Variants in TFAP2D observed in about 807,000 individuals in gnomAD.
TFAP2D encodes the protein transcription factor AP-2 delta.
Under a neutral mutation model 43.6 loss-of-function variants are expected in TFAP2D, and 9 were observed. The ratio of observed to expected loss-of-function variants is 0.21; its 90% confidence interval spans 0.12 to 0.36. The LOEUF is 0.36. Ranked by LOEUF, TFAP2D falls within the 10% of genes least tolerant of loss-of-function variation. TFAP2D has a pLI of 1.00. For synonymous variants in TFAP2D, 256 were observed against 224.9 expected, an observed-to-expected ratio of 1.14 and a Z score of -1.24; for missense variants, 513 against 561.4, an observed-to-expected ratio of 0.91 and a Z score of 0.87.
chr6:50,715,410 G>A lies in TFAP2D; in HGVS notation c.334G>A (p.Asp112Asn), dbSNP rs557507069. 6.2e-7 allele frequency: 1 copy of A among 1,614,066 alleles called. No homozygotes were observed. The highest frequency in any genetic ancestry group is 1.7e-5 in the Admixed American group (1 of 60,008). Residue 112 changes from aspartate to asparagine, a missense_variant, in exon 2 of 8, where the codon GAC becomes AAC. Physicochemically the swap from Asp to Asn is conservative, Grantham distance 23. Coordinates refer to ENST00000008391, the MANE Select transcript of TFAP2D (RefSeq NM_172238.4). ...GCAGATCCACCACGGGGAGCCCACC[G>A]ACTTTATTAACCTGCACAATGCGCG... ...YQQIHHGEPT[D>N]FINLHNARAL...
At chr6:50,721,437 A>G (rs1191371434) in intron 3 of TFAP2D, among the ~76,000 whole-genome samples, 1 of 152,192 alleles carries the variant, frequency 6.6e-6, no homozygotes, top group Non-Finnish European at 1.5e-5. Flanking sequence ...TTCTGAAACA[A>G]TCAATGTTCA....
In TFAP2D at chr6:50,715,333, C is replaced by A. The variant is rs923542804; in HGVS notation, c.257C>A (p.Thr86Asn). The change falls in exon 2 of 8, where the codon ACC becomes AAC. Residue 86 changes from threonine to asparagine, a missense_variant. By Grantham distance (65) the Thr-to-Asn change is moderately conservative (BLOSUM62 0). Transcript: ENST00000008391. ...TTTCAGCACAGCCACCCGGCCGTCACCCCCGACGCCTACTCTCTGAACTCT... is the reference window on the plus strand; with the variant it reads ...TTTCAGCACAGCCACCCGGCCGTCAACCCCGACGCCTACTCTCTGAACTCT... ...YEFQHSHPAVTPDAYSLNSLH... is the reference protein window; with the variant it reads ...YEFQHSHPAVNPDAYSLNSLH... The A allele has an allele frequency of 1.2e-6, 2 of 1,613,994 alleles. No homozygotes were observed. The highest frequency in any genetic ancestry group is 2.7e-5 in the African/African-American group (2 of 74,914).
intron 6 of TFAP2D, among the ~76,000 whole-genome samples, chr6:50,747,033 G>A (rs1431227119): frequency 6.6e-6 from 1 of 152,088 alleles, no homozygotes; most frequent in Non-Finnish European, 1.5e-5. Flanking sequence ...ATAAAAGTTG[G>A]ACTTAAAATC....
At chr6:50,753,653 A>T (rs535836419) in intron 7 of TFAP2D, among the ~76,000 whole-genome samples, 2 of 152,078 alleles carry the variant, frequency 1.3e-5, no homozygotes, top group East Asian at 3.9e-4. Flanking sequence ...ACAAGATTAT[A>T]TATGGCTTCA....
intron 5 of TFAP2D, among the ~76,000 whole-genome samples, chr6:50,743,355 A>ATTTTGTTTTGTTTTG (rs70974545): frequency 6.7e-5 from 10 of 149,352 alleles, no homozygotes; most frequent in African/African-American, 2.2e-4. Flanking sequence ...AAAATAGTAT[A>ATTTTGTTTTGTTTTG]TTTTGTTTTG....
At chr6:50,771,103 A>T (rs1228780154) in intron 7 of TFAP2D, among the ~76,000 whole-genome samples, 1 of 152,240 alleles carries the variant, frequency 6.6e-6, no homozygotes, top group Non-Finnish European at 1.5e-5. Context: ...AGAACTACCT[A>T]TGCTGAGGTT....
At chr6:50,751,519 C>T (rs2294470) in intron 7 of TFAP2D, among the ~76,000 whole-genome samples, 195 bp downstream of exon 7, 37,272 of 151,760 alleles carry the variant, frequency 0.25, 5,291 homozygotes, top group East Asian at 0.43. Context: ...GTTTGGAGGC[C>T]TGGGAAGTCT....
intron 7 of TFAP2D, among the ~76,000 whole-genome samples, chr6:50,752,453 A>G (rs1303713138): frequency 2.6e-5 from 4 of 151,936 alleles, no homozygotes. Flanking sequence ...AACAATGATA[A>G]GGAAAGACTA....
At chr6:50,746,797 T>A (rs543126383) in intron 6 of TFAP2D, among the ~76,000 whole-genome samples, 70 of 152,164 alleles carry the variant, frequency 4.6e-4, no homozygotes, top group Non-Finnish European at 7.4e-4. Flanking sequence ...AGTCCCTTAA[T>A]TGAAGTTTAC....
chr6:50,719,501 G>GAAAA (rs3835214), intron 3 of TFAP2D, among the ~76,000 whole-genome samples: 1 of 133,460 alleles, frequency 7.5e-6, no homozygotes, highest in South Asian at 2.4e-4. Context: ...AAGAAAGAAA[G>GAAAA]AAGTTTCTCA....
At chr6:50,761,642 C>A (rs1241333326) in intron 7 of TFAP2D, among the ~76,000 whole-genome samples, 2 of 151,986 alleles carry the variant, frequency 1.3e-5, no homozygotes, top group Non-Finnish European at 2.9e-5. Flanking sequence ...TAGAAAATTG[C>A]TTTACTGGTC....
rs1769558582 is a variant in TFAP2D, at chr6:50,773,019, A to C, written c.*155A>C. 4.2e-6 allele frequency: 3 copies of C among 721,908 alleles called. No homozygotes were observed. 44.7% of individuals were successfully genotyped at this position (721,908 alleles called of 1,614,324 possible). Reference sequence around the variant, plus strand: ...AAAATGGAAATGAAAAATGAAACAAAAAAGGACAAAACCAAAAAAAAAAGA... The same window carrying C: ...AAAATGGAAATGAAAAATGAAACAACAAAGGACAAAACCAAAAAAAAAAGA... On this transcript the variant is annotated 3_prime_UTR_variant, in exon 8 of 8. Coordinates refer to ENST00000008391, the MANE Select transcript of TFAP2D (RefSeq NM_172238.4).
At chr6:50,733,740 C>T (rs1303198017) in intron 5 of TFAP2D, among the ~76,000 whole-genome samples, 1 of 152,002 alleles carries the variant, frequency 6.6e-6, no homozygotes, top group Non-Finnish European at 1.5e-5. Flanking sequence ...ATATCACTCC[C>T]TTCTTATCTA....
At position 50,748,874 on chromosome 6, in the gene TFAP2D, C is replaced by T. The variant is rs191786100; in HGVS notation, c.1026-2337C>T. Among the ~76,000 whole-genome samples, 313 of 151,936 alleles carry T rather than the reference C, an allele frequency of 2.1e-3. 1 individual carries two copies. Among genetic ancestry groups the T allele is most frequent in the Non-Finnish European group, 3.2e-3 (219 of 67,796 alleles). The stretch of plus-strand genomic sequence containing the variant: ...ATTTCAGACATCAGCTAAAAACTTA[C>T]GTCCTTAAGGACAATGATGTAAGTG... On this transcript the variant is annotated intron_variant, in intron 6 of 7. Coordinates refer to ENST00000008391, the MANE Select transcript of TFAP2D (RefSeq NM_172238.4).
At chr6:50,743,355 A>ATTTTGTTTTGTTTTGTTTTG (rs70974545) in intron 5 of TFAP2D, among the ~76,000 whole-genome samples, 1 of 149,352 alleles carries the variant, frequency 6.7e-6, no homozygotes. Context: ...AAAATAGTAT[A>ATTTTGTTTTGTTTTGTTTTG]TTTTGTTTTG....
rs1769156460 is a variant in TFAP2D at position 50,748,526 on chromosome 6, T to C, written c.1026-2685T>C. The stretch of plus-strand genomic sequence containing the variant: ...TTGTCTTTAAGTATATTGCCAAGTA[T>C]ACAATTGTATAAAGGGCCTATTAAT... On this transcript the variant is annotated intron_variant, in intron 6 of 7. Coordinates refer to ENST00000008391, the MANE Select transcript of TFAP2D (RefSeq NM_172238.4). Among the ~76,000 whole-genome samples, 3 of 152,030 alleles carry C rather than the reference T, an allele frequency of 2.0e-5. 1 individual carries two copies. Among genetic ancestry groups the C allele is most frequent in the African/African-American group, 7.2e-5 (3 of 41,550 alleles).
At chr6:50,747,412 A>G (rs1352707972) in intron 6 of TFAP2D, among the ~76,000 whole-genome samples, 1 of 152,134 alleles carries the variant, frequency 6.6e-6, no homozygotes, top group Non-Finnish European at 1.5e-5. Flanking sequence ...GCACATATCC[A>G]TGTGAATTTT....
intron 3 of TFAP2D, among the ~76,000 whole-genome samples, chr6:50,721,135 A>G (rs1376557480): frequency 1.3e-5 from 2 of 152,186 alleles, no homozygotes; most frequent in African/African-American, 4.8e-5. Flanking sequence ...TATCTTCCTT[A>G]GGTGATGCTT....
At chr6:50,751,977 G>A (rs904902286) in intron 7 of TFAP2D, among the ~76,000 whole-genome samples, 3 of 151,906 alleles carry the variant, frequency 2.0e-5, no homozygotes, top group Non-Finnish European at 2.9e-5. Flanking sequence ...TGAGGGTTCT[G>A]AAATCTTTTA....
Sources: gnomAD v4.1 joint callset for allele counts (sites outside exome capture counted in the v4.1 genomes callset) on GRCh38, gnomAD v4.1.1 for gene constraint, MANE v1.5 for transcripts, NCBI Gene and HGNC (gene_info 2026-07-23, HGNC 2026-07-21) for gene names.